ACAD10: variants seen among roughly 807,000 people sequenced by gnomAD.
ACAD10 encodes ACAD-10.
A neutral mutation model predicts 116.8 loss-of-function variants in ACAD10; 112 were observed. The observed-to-expected ratio is 0.96, with a 90% CI of 0.82 to 1.12. The LOEUF (loss-of-function observed/expected upper bound fraction) is 1.12, where lower values mean the gene tolerates loss of function less well. Ranked by LOEUF, ACAD10 falls within the 50% of genes most tolerant of loss-of-function variation. The probability of loss-of-function intolerance (pLI) is 0.00; values close to 1 mark genes in which losing one functional copy is unlikely to be tolerated. For missense variants in ACAD10, 1,259 were observed against 1,350.2 expected, an observed-to-expected ratio of 0.93 and a Z score of 1.06; for synonymous variants, 486 against 510.6, an observed-to-expected ratio of 0.95 and a Z score of 0.65.
rs193123911 is a variant in ACAD10, at chr12:111,726,745, C to T, written c.1062-1217C>T. On this transcript the variant is annotated intron_variant, in intron 8 of 20. Coordinates refer to ENST00000313698, the MANE Select transcript of ACAD10 (RefSeq NM_025247.6). The stretch of plus-strand genomic sequence containing the variant: ...TTGTGGTGGCACATACCTGTAGTTT[C>T]AGCTATTCGGGATGCTGAGGCAGGA... 9.8e-3 allele frequency among the ~76,000 whole-genome samples: 1,486 copies of T among 152,240 alleles called. 80 individuals are homozygous for T. The highest frequency in any genetic ancestry group is 0.087 in the Admixed American group (1,325 of 15,284).
chr12:111,718,553 C>T (rs1888917570), intron 7 of ACAD10, among the ~76,000 whole-genome samples: 2 of 152,064 alleles, frequency 1.3e-5, no homozygotes, highest in Non-Finnish European at 2.9e-5. Context: ...AATCTCGGCT[C>T]ACTGCAACCT....
intron 7 of ACAD10, 63 bp from the exon 8 acceptor site, chr12:111,721,604 AAAGT>A (rs1889015777): frequency 4.3e-6 from 6 of 1,407,692 alleles, no homozygotes; most frequent in Non-Finnish European, 5.9e-6. Context: ...AAAACAAAGA[AAAGT>A]AACTTCAAGA....
chr12:111,746,351 A>C, intron 14 of ACAD10, 67 bp downstream of exon 14: 1 of 1,522,796 alleles, frequency 6.6e-7, no homozygotes, highest in Non-Finnish European at 8.8e-7. Context: ...TCAATCCTAA[A>C]CAGATAAACC....
At chr12:111,729,120 G>A (rs1350016758) in intron 9 of ACAD10, among the ~76,000 whole-genome samples, 2 of 152,212 alleles carry the variant, frequency 1.3e-5, no homozygotes, top group Admixed American at 6.6e-5. Flanking sequence ...AGATCACAGA[G>A]CTAGAGAACA....
chr12:111,705,898 G>C lies in ACAD10; in HGVS notation c.497G>C (p.Ser166Thr), dbSNP rs1176739644. ...SNNFYLPNQK[S>T]FLPLDRKQFD... ...AATTTTTATCTTCCCAACCAGAAAAGCTTTTTGCCCCTGGACCGGAAACAG... is the reference window on the plus strand; with the variant it reads ...AATTTTTATCTTCCCAACCAGAAAACCTTTTTGCCCCTGGACCGGAAACAG... Residue 166 changes from serine (S) to threonine (T), a missense_variant, in exon 4 of 21, where the codon AGC becomes ACC. Transcript: ENST00000313698. 1 of 1,614,126 alleles carries C rather than the reference G, an allele frequency of 6.2e-7. No homozygotes were observed. Among genetic ancestry groups the C allele is most frequent in the Admixed American group, 1.7e-5 (1 of 60,002 alleles).
At position 111,756,560 on chromosome 12, in the gene ACAD10, T is replaced by C; in HGVS notation, c.*87T>C. On this transcript the variant is annotated 3_prime_UTR_variant, in exon 21 of 21. Transcript: ENST00000313698. ...GATGTGCCTCGAAAGATCCGGTGTTTGTGGCTCCTGCACCCTGCTCAGCAG... is the reference window on the plus strand; with the variant it reads ...GATGTGCCTCGAAAGATCCGGTGTTCGTGGCTCCTGCACCCTGCTCAGCAG... 1 of 1,554,158 alleles carries C rather than the reference T, an allele frequency of 6.4e-7. No homozygotes were observed. The highest frequency in any genetic ancestry group is 1.2e-5 in the South Asian group (1 of 85,034).
At chr12:111,728,996 C>A (rs1330009817) in intron 9 of ACAD10, among the ~76,000 whole-genome samples, 1 of 152,066 alleles carries the variant, frequency 6.6e-6, no homozygotes, top group Non-Finnish European at 1.5e-5. Flanking sequence ...GTAGTTCTTA[C>A]CACATGCCAA....
At chr12:111,723,378 C>T (rs1345169887) in intron 8 of ACAD10, among the ~76,000 whole-genome samples, 1 of 139,804 alleles carries the variant, frequency 7.2e-6, no homozygotes, top group African/African-American at 2.7e-5. Flanking sequence ...GGCTGACCCC[C>T]CCACCTCCCT....
In ACAD10 at chr12:111,709,576, C is replaced by G; in HGVS notation, c.582C>G (p.Tyr194Ter). ...TCTGTAAGCCAGACCCTAGGATCTA[C>G]AAGCTGTGCTTGGAGCAGCTCGGCC... ...EGICKPDPRI[Y>*]KLCLEQLGLQ... Residue 194 changes from tyrosine to a stop codon, truncating the protein, a stop_gained, in exon 5 of 21, where the codon TAC becomes TAG. Coordinates refer to ENST00000313698, the MANE Select transcript of ACAD10 (RefSeq NM_025247.6). LOFTEE classifies it high-confidence loss of function. 6.2e-7 allele frequency: 1 copy of G among 1,613,588 alleles called. No individual in the cohort carries two copies.
chr12:111,708,054 G>T (rs1888563678), intron 4 of ACAD10, among the ~76,000 whole-genome samples: 1 of 152,148 alleles, frequency 6.6e-6, no homozygotes, highest in South Asian at 2.1e-4. Flanking sequence ...TGAGAAGGAG[G>T]CTTCCCCTCC....
intron 6 of ACAD10, among the ~76,000 whole-genome samples, chr12:111,714,490 C>A (rs2135960067): frequency 6.6e-6 from 1 of 151,682 alleles, no homozygotes; most frequent in South Asian, 2.1e-4. Context: ...CATGGCGAAA[C>A]TCCATCTCTA....
At chr12:111,699,615 C>G (rs1888292631) in intron 2 of ACAD10, among the ~76,000 whole-genome samples, 1 of 151,882 alleles carries the variant, frequency 6.6e-6, no homozygotes. Context: ...GGTTAGTAAA[C>G]TTTTTCTATA....
chr12:111,706,028 G>T, intron 4 of ACAD10, 96 bp downstream of exon 4: 1 of 1,376,054 alleles, frequency 7.3e-7, no homozygotes, highest in Non-Finnish European at 1.0e-6. Context: ...TCTTGAGTGA[G>T]GGAGTTTTTC....
chr12:111,756,071 C>T, intron 20 of ACAD10: 1 of 1,262,244 alleles, frequency 7.9e-7, no homozygotes, highest in Non-Finnish European at 1.1e-6. Context: ...TGCAGGGGGG[C>T]CGCCTCCTTA....
chr12:111,728,264 T>G (rs1255747840), intron 9 of ACAD10, 121 bp downstream of exon 9: 1 of 991,826 alleles, frequency 1.0e-6, no homozygotes, highest in African/African-American at 1.6e-5. Context: ...CAGACTTAGC[T>G]TCTTCCTTGG....
chr12:111,729,733 C>T (rs1216113356), intron 9 of ACAD10, 73 bp from the exon 10 acceptor site: 1 of 1,557,728 alleles, frequency 6.4e-7, no homozygotes, highest in Non-Finnish European at 8.8e-7. Flanking sequence ...GGTTTCACTG[C>T]ACTGGTTTTT....
chr12:111,735,806 C>A (rs1170581011), intron 11 of ACAD10, among the ~76,000 whole-genome samples: 1 of 151,670 alleles, frequency 6.6e-6, no homozygotes, highest in Non-Finnish European at 1.5e-5. Context: ...TTGGTGAGAT[C>A]TTTTTATTTT....
chr12:111,746,363 G>T, intron 14 of ACAD10, 79 bp downstream of exon 14: 1 of 1,435,068 alleles, frequency 7.0e-7, no homozygotes, highest in Non-Finnish European at 9.3e-7. Context: ...AGATAAACCA[G>T]ATTCAGAAGC....
intron 10 of ACAD10, among the ~76,000 whole-genome samples, chr12:111,731,260 G>C (rs1298823544): frequency 6.6e-6 from 1 of 152,232 alleles, no homozygotes; most frequent in African/African-American, 2.4e-5. Context: ...GGAGCTTGAG[G>C]AACCTGCTTC....
Sources: allele counts gnomAD v4.1 joint callset (sites outside exome capture counted in the v4.1 genomes callset), GRCh38; gene constraint gnomAD v4.1.1; transcripts MANE v1.5; gene names NCBI Gene and HGNC (gene_info 2026-07-23, HGNC 2026-07-21).